Variants in CLASP2 observed in about 807,000 individuals in gnomAD.
The protein encoded by CLASP2 is cytoplasmic linker associated protein 2.
CLASP2 carries 47 observed loss-of-function variants against 194.4 expected under a neutral mutation model. The observed-to-expected ratio is 0.24, with a 90% CI of 0.19 to 0.31. The LOEUF (loss-of-function observed/expected upper bound fraction) is 0.31, where lower values mean the gene tolerates loss of function less well. CLASP2 is among the 10% of genes least tolerant of loss of function. The probability of loss-of-function intolerance (pLI) is 1.00; values close to 1 mark genes in which losing one functional copy is unlikely to be tolerated. For missense variants in CLASP2, 1,445 were observed against 1,823.6 expected, an observed-to-expected ratio of 0.79 and a Z score of 3.78; for synonymous variants, 619 against 633.5, an observed-to-expected ratio of 0.98 and a Z score of 0.34.
At chr3:33,674,923 G>A (rs377268431) in intron 6 of CLASP2, among the ~76,000 whole-genome samples, 2 of 152,032 alleles carry the variant, frequency 1.3e-5, no homozygotes, top group Non-Finnish European at 2.9e-5. Context: ...AATAACAGGA[G>A]CTGAAATTGT....
chr3:33,593,009 A>G (rs907792046), intron 20 of CLASP2, among the ~76,000 whole-genome samples: 5 of 152,240 alleles, frequency 3.3e-5, no homozygotes, highest in Non-Finnish European at 7.3e-5. Flanking sequence ...TGGTATATGG[A>G]CATGTTTACT....
chr3:33,671,339 A>AAC (rs1311569653), intron 6 of CLASP2, among the ~76,000 whole-genome samples: 10 of 152,220 alleles, frequency 6.6e-5, no homozygotes. Flanking sequence ...ATTAAAAAAA[A>AAC]ATTACATGGC....
At chr3:33,586,107 C>T (rs1055099581) in intron 21 of CLASP2, among the ~76,000 whole-genome samples, 1 of 152,008 alleles carries the variant, frequency 6.6e-6, no homozygotes. Context: ...AAGGGGAAAA[C>T]ATCAAATGAA....
At chr3:33,619,880 GA>G in intron 11 of CLASP2, 142 bp from the exon 12 acceptor site, 1 of 681,138 alleles carries the variant, frequency 1.5e-6, no homozygotes, top group Non-Finnish European at 2.1e-6. Context: ...ACAGAAGAAA[GA>G]AAGGGAAACC....
At chr3:33,665,355 A>C (rs2086005735) in intron 6 of CLASP2, among the ~76,000 whole-genome samples, 1 of 152,112 alleles carries the variant, frequency 6.6e-6, no homozygotes, top group African/African-American at 2.4e-5. Context: ...AGGCAAATAT[A>C]ATACGAATAT....
At chr3:33,631,681 A>AGCTAG (rs1325675887) in intron 9 of CLASP2, among the ~76,000 whole-genome samples, 5 of 149,336 alleles carry the variant, frequency 3.3e-5, no homozygotes, top group Non-Finnish European at 5.9e-5. Context: ...TGGGCAACAG[A>AGCTAG]GCTAGACTTC....
At position 33,551,415 on chromosome 3, in the gene CLASP2, G is replaced by A. The variant is rs751470174; in HGVS notation, c.3010-20C>T. The A allele has an allele frequency of 1.9e-6, 3 of 1,606,206 alleles. No homozygotes were observed. The highest frequency in any genetic ancestry group is 2.6e-6 in the Non-Finnish European group (3 of 1,175,040). On this transcript the variant is annotated intron_variant, in intron 29 of 38. Coordinates refer to ENST00000682230, the MANE Select transcript of CLASP2 (RefSeq NM_001365631.1). Reference sequence around the variant, plus strand: ...CTTCACCTGCAGAGGAAAGCACAAAGAGAAAGGACAGAAAGATGGTTATTG... The same window carrying A: ...CTTCACCTGCAGAGGAAAGCACAAAAAGAAAGGACAGAAAGATGGTTATTG...
chr3:33,592,298 T>G, intron 21 of CLASP2, 97 bp downstream of exon 21: 1 of 877,350 alleles, frequency 1.1e-6, no homozygotes, highest in Non-Finnish European at 1.9e-6. Flanking sequence ...TAGCTTTGTC[T>G]TTATCCACTG....
intron 1 of CLASP2, among the ~76,000 whole-genome samples, chr3:33,706,507 G>C (rs1309850035): frequency 1.3e-5 from 2 of 152,056 alleles, no homozygotes; most frequent in Admixed American, 1.3e-4. Flanking sequence ...ATATCCTACA[G>C]ACAAAAACAA....
chr3:33,645,077 A>T (rs1426280601), intron 7 of CLASP2, 174 bp from the exon 8 acceptor site: 1 of 687,130 alleles, frequency 1.5e-6, no homozygotes, highest in Admixed American at 2.5e-5. Flanking sequence ...CATATAAAAT[A>T]ATCCTCTGTA....
intron 21 of CLASP2, chr3:33,592,130 TA>T (rs1487990411): frequency 1.2e-5 from 8 of 694,700 alleles, no homozygotes; most frequent in Non-Finnish European, 2.1e-5. Flanking sequence ...GCAGCCCTAA[TA>T]AAACACCAAA....
At chr3:33,643,304 A>G (rs1196579638) in intron 8 of CLASP2, among the ~76,000 whole-genome samples, 1 of 151,902 alleles carries the variant, frequency 6.6e-6, no homozygotes, top group Non-Finnish European at 1.5e-5. Context: ...TAAAATTATA[A>G]TATCATAGAT....
chr3:33,678,692 A>G (rs1480621418), intron 6 of CLASP2, among the ~76,000 whole-genome samples: 1 of 152,220 alleles, frequency 6.6e-6, no homozygotes, highest in Non-Finnish European at 1.5e-5. Flanking sequence ...TCAGATCTAC[A>G]TAAAGGTATA....
chr3:33,659,085 T>C, intron 7 of CLASP2: 2 of 1,514,682 alleles, frequency 1.3e-6, no homozygotes, highest in East Asian at 2.5e-5. Flanking sequence ...GCCTGCAGCC[T>C]GCAGACACCC....
At chr3:33,685,045 T>TAAA (rs2090450097) in intron 5 of CLASP2, among the ~76,000 whole-genome samples, 2 of 118,492 alleles carry the variant, frequency 1.7e-5, no homozygotes, top group African/African-American at 6.4e-5. Context: ...ATAATAATAA[T>TAAA]AAATCTATTT....
rs1025618220 is a variant in CLASP2, at chr3:33,505,254, C to CAA, written c.4318-3488_4318-3487dup. The stretch of plus-strand genomic sequence containing the variant: ...ACAACAACAACAACAACAACAACAA[C>CAA]AACAACAACAACAAAACATAACCAC... On this transcript the variant is annotated intron_variant, in intron 37 of 38. Transcript: ENST00000682230. The CAA allele has an allele frequency of 8.6e-5, 13 of 151,314 alleles. No individual in the cohort carries two copies. In the East Asian group the frequency reaches 2.4e-3, roughly 27 times the overall value. The allele number at this position is 151,314 out of a possible 1,614,324, so 9.4% of individuals were successfully genotyped here.
chr3:33,532,829 G>C (rs575079920), intron 34 of CLASP2, among the ~76,000 whole-genome samples: 4 of 152,246 alleles, frequency 2.6e-5, no homozygotes, highest in African/African-American at 7.2e-5. Flanking sequence ...TCAGCCTCCT[G>C]AGTAGCTGGG....
chr3:33,604,320 CT>C (rs199958865), intron 16 of CLASP2, 111 bp from the exon 17 acceptor site: 99,829 of 529,356 alleles, frequency 0.19, 16 homozygotes, highest in South Asian at 0.25. Flanking sequence ...TTTCTTTTTT[CT>C]TTTTTTTTTT....
intron 38 of CLASP2, among the ~76,000 whole-genome samples, chr3:33,499,494 C>A (rs778690108): frequency 3.3e-5 from 5 of 151,836 alleles, no homozygotes; most frequent in Non-Finnish European, 5.9e-5. Flanking sequence ...GGACTACAGG[C>A]GCCTGTCACC....
Sources: allele counts gnomAD v4.1 joint callset (sites outside exome capture counted in the v4.1 genomes callset), GRCh38; gene constraint gnomAD v4.1.1; transcripts MANE v1.5; gene names NCBI Gene and HGNC (gene_info 2026-07-23, HGNC 2026-07-21).